The following ATF6 variants were observed in gnomAD, a reference collection of about 807,000 sequenced individuals.
ATF6 encodes the protein cyclic AMP-dependent transcription factor ATF-6 alpha.
In ATF6, 53 loss-of-function variants were observed where a neutral mutation model predicts 83.6. That is an observed-to-expected ratio of 0.63 (90% CI 0.51 to 0.80). The LOEUF is 0.80. ATF6 is among the 30% of genes least tolerant of loss of function. The probability of loss-of-function intolerance (pLI) is 0.00; values close to 1 mark genes in which losing one functional copy is unlikely to be tolerated. For synonymous variants in ATF6, 288 were observed against 285.8 expected (o/e 1.01, Z -0.08); for missense variants, 744 against 797.9 (o/e 0.93, Z 0.81).
intron 10 of ATF6, among the ~76,000 whole-genome samples, chr1:161,848,562 A>G (rs1407312847): frequency 1.3e-5 from 2 of 152,132 alleles, no homozygotes; most frequent in East Asian, 3.8e-4. Context: ...ATGACCATAT[A>G]ATGTTCTATC....
intron 9 of ATF6, among the ~76,000 whole-genome samples, chr1:161,826,460 A>G (rs929854907): frequency 6.6e-5 from 10 of 152,200 alleles, no homozygotes; most frequent in Admixed American, 5.9e-4. Context: ...TGTGTTCAAA[A>G]AGGAGTTAGT....
intron 12 of ATF6, among the ~76,000 whole-genome samples, chr1:161,858,310 T>C (rs763108149): frequency 3.9e-5 from 6 of 151,994 alleles, no homozygotes; most frequent in African/African-American, 9.7e-5. Flanking sequence ...AACACATCAA[T>C]TAAAAGGAAG....
rs1215084886 is a variant in ATF6, at chr1:161,824,395, A to T, written c.1187+3234A>T. The stretch of plus-strand genomic sequence containing the variant: ...TTTTTTTGGTCAAAATTAAAAAAAA[A>T]AAAAAAAGCTCAAATGCCACCCCTG... On this transcript the variant is annotated intron_variant, in intron 9 of 15. Transcript: ENST00000367942. Among the ~76,000 whole-genome samples, 27 of 151,546 alleles carry T rather than the reference A, an allele frequency of 1.8e-4. No individual in the cohort carries two copies. The East Asian group carries it at 5.0e-3, about 28-fold the overall frequency.
intron 9 of ATF6, among the ~76,000 whole-genome samples, chr1:161,831,188 GA>G (rs1374806253): frequency 6.6e-6 from 1 of 152,164 alleles, no homozygotes; most frequent in Non-Finnish European, 1.5e-5. Flanking sequence ...AAAGACACAT[GA>G]AAAAATGCTC....
chr1:161,834,796 A>G (rs182176792), intron 9 of ATF6, among the ~76,000 whole-genome samples: 21 of 152,318 alleles, frequency 1.4e-4, no homozygotes, highest in Admixed American at 3.9e-4. Flanking sequence ...ACAAAACAAA[A>G]AAATAGATAT....
chr1:161,811,802 A>G (rs1035331546), intron 7 of ATF6, among the ~76,000 whole-genome samples: 27 of 151,136 alleles, frequency 1.8e-4, no homozygotes, highest in Admixed American at 5.9e-4. Context: ...TACACACACA[A>G]TTTTTTTCCT....
At chr1:161,879,119 G>A (rs1687276420) in intron 14 of ATF6, among the ~76,000 whole-genome samples, 1 of 152,122 alleles carries the variant, frequency 6.6e-6, no homozygotes, top group Non-Finnish European at 1.5e-5. Context: ...GTAGAGGCAA[G>A]ATGAGTTCAT....
rs548129749 is a variant in ATF6, at chr1:161,881,081, G to A, written c.1719+17769G>A. 9.2e-5 allele frequency among the ~76,000 whole-genome samples: 14 copies of A among 152,048 alleles called. No individual in the cohort carries two copies. In the East Asian group the frequency reaches 1.2e-3, roughly 13 times the overall value. On this transcript the variant is annotated intron_variant, in intron 14 of 15. Transcript: ENST00000367942. ...TGAAGGGTCTGTTCAAATCTTTCCCGATTTTTTATTGAGTTATTTTCTAAT... is the reference window on the plus strand; with the variant it reads ...TGAAGGGTCTGTTCAAATCTTTCCCAATTTTTTATTGAGTTATTTTCTAAT...
At chr1:161,886,655 C>A (rs560776336) in intron 14 of ATF6, among the ~76,000 whole-genome samples, 1 of 152,350 alleles carries the variant, frequency 6.6e-6, no homozygotes, top group Non-Finnish European at 1.5e-5. Context: ...ATTATAATCT[C>A]ATGGGACCAC....
At chr1:161,905,128 T>G (rs1255393490) in intron 14 of ATF6, among the ~76,000 whole-genome samples, 1 of 152,102 alleles carries the variant, frequency 6.6e-6, no homozygotes, top group Non-Finnish European at 1.5e-5. Flanking sequence ...GAAATATATA[T>G]TACATGAAAC....
At chr1:161,778,546 G>A (rs1349714547) in intron 2 of ATF6, among the ~76,000 whole-genome samples, 3 of 152,148 alleles carry the variant, frequency 2.0e-5, no homozygotes, top group Non-Finnish European at 4.4e-5. Context: ...TGGCCCTAGG[G>A]ATGGGTGACT....
chr1:161,899,692 C>T (rs1398133139), intron 14 of ATF6, among the ~76,000 whole-genome samples: 1 of 152,140 alleles, frequency 6.6e-6, no homozygotes, highest in Non-Finnish European at 1.5e-5. Flanking sequence ...CAACTCAAAA[C>T]TCCACTGCCT....
intron 15 of ATF6, among the ~76,000 whole-genome samples, chr1:161,933,306 A>T (rs1430936787): frequency 6.6e-6 from 1 of 152,230 alleles, no homozygotes; most frequent in Non-Finnish European, 1.5e-5. Context: ...TATATAAGGA[A>T]GTCTCTCCAT....
At position 161,817,869 on chromosome 1, in the gene ATF6, G is replaced by A. The variant is rs182597806; in HGVS notation, c.910-1764G>A. On this transcript the variant is annotated intron_variant, in intron 7 of 15. Transcript: ENST00000367942. ...TCCCAGCACTTTGGGAGGCCGAGGC[G>A]GGCGGATCAGGAGGTCAGGAGATTG... 2.4e-3 allele frequency among the ~76,000 whole-genome samples: 362 copies of A among 152,048 alleles called. 3 individuals carry two copies. Among genetic ancestry groups the A allele is most frequent in the African/African-American group, 8.3e-3 (345 of 41,480 alleles).
At chr1:161,894,521 C>CTTTTTTTTTT (rs71093131) in intron 14 of ATF6, among the ~76,000 whole-genome samples, 4 of 44,850 alleles carry the variant, frequency 8.9e-5, no homozygotes, top group African/African-American at 2.6e-4. Context: ...GTTTTGTAGT[C>CTTTTTTTTTT]TTTTTTTTTT....
intron 6 of ATF6, among the ~76,000 whole-genome samples, chr1:161,797,279 C>T (rs916809259): frequency 3.9e-5 from 6 of 152,072 alleles, no homozygotes; most frequent in Non-Finnish European, 1.5e-5. Context: ...GGATGTCCCT[C>T]TCACCACTCA....
At chr1:161,829,188 A>ATTTTTTTTTTT (rs1474053685) in intron 9 of ATF6, among the ~76,000 whole-genome samples, 2 of 115,614 alleles carry the variant, frequency 1.7e-5, no homozygotes, top group Admixed American at 1.1e-4. Flanking sequence ...ATAATGGGAG[A>ATTTTTTTTTTT]CTTTTTTTTT....
intron 15 of ATF6, among the ~76,000 whole-genome samples, chr1:161,930,360 T>C (rs1365197709): frequency 6.6e-6 from 1 of 152,246 alleles, no homozygotes; most frequent in Non-Finnish European, 1.5e-5. Flanking sequence ...TTTTGGCTTC[T>C]ATCTTTATGA....
intron 15 of ATF6, among the ~76,000 whole-genome samples, chr1:161,938,472 A>G (rs975872052): frequency 6.6e-6 from 1 of 152,228 alleles, no homozygotes; most frequent in Non-Finnish European, 1.5e-5. Flanking sequence ...GAAACATAAG[A>G]GTGTAAAGAT....
Sources: gnomAD v4.1 joint callset for allele counts (sites outside exome capture counted in the v4.1 genomes callset) on GRCh38, gnomAD v4.1.1 for gene constraint, MANE v1.5 for transcripts, NCBI Gene and HGNC (gene_info 2026-07-23, HGNC 2026-07-21) for gene names.